The following IRF3 variants were observed in gnomAD, a reference collection of about 807,000 sequenced individuals.
IRF3 encodes interferon regulatory factor 3.
In IRF3, 29 loss-of-function variants were observed where a neutral mutation model predicts 43.2. That is an observed-to-expected ratio of 0.67 (90% CI 0.50 to 0.91). IRF3 has a LOEUF of 0.91. IRF3 is among the 40% of genes least tolerant of loss of function. IRF3 has a pLI of 0.00. For synonymous variants in IRF3, 228 were observed against 233.9 expected, an observed-to-expected ratio of 0.97 and a Z score of 0.23; for missense variants, 505 against 559.1, an observed-to-expected ratio of 0.90 and a Z score of 0.98.
At chr19:49,665,590 C>T in intron 1 of IRF3, 41 bp downstream of exon 1, 1 of 541,684 alleles carries the variant, frequency 1.8e-6, no homozygotes, top group Non-Finnish European at 3.3e-6. Flanking sequence ...GCTCCTCGCT[C>T]TCGGACGCCA....
chr19:49,662,082 G>A lies in IRF3; in HGVS notation c.848C>T (p.Ala283Val). 2 of 1,613,754 alleles carry A rather than the reference G, an allele frequency of 1.2e-6. No homozygotes were observed. The highest frequency in any genetic ancestry group is 2.2e-5 in the South Asian group (2 of 91,078). Residue 283 changes from alanine to valine, a missense_variant, in exon 6 of 8, where the codon GCC becomes GTC. Physicochemically the swap from Ala to Val is moderately conservative, Grantham distance 64. Coordinates refer to ENST00000377139, the MANE Select transcript of IRF3 (RefSeq NM_001571.6). ...TGTGTGGCAGTGCCCCAGCCGCTGG[G>A]CCCAGAGCCACTGCCCGGCCCGCCA... ...ALWRAGQWLW[A>V]QRLGHCHTYW...
At chr19:49,663,166 T>G (rs1356833863) in intron 4 of IRF3, 22 bp downstream of exon 4, 1 of 1,604,988 alleles carries the variant, frequency 6.2e-7, no homozygotes, top group Non-Finnish European at 8.5e-7. Flanking sequence ...CTGAGGGGCA[T>G]GAAAGTTGGG....
intron 6 of IRF3, 160 bp from the exon 7 acceptor site, chr19:49,660,988 C>G: frequency 1.3e-6 from 1 of 757,984 alleles, no homozygotes; most frequent in Non-Finnish European, 2.1e-6. Context: ...CCTTCCCTCC[C>G]TCCCTCCCTC....
intron 6 of IRF3, chr19:49,661,037 C>G (rs958713537): frequency 1.7e-6 from 1 of 576,662 alleles, no homozygotes; most frequent in African/African-American, 1.9e-5. Flanking sequence ...CACCCCCAAG[C>G]CCCCAAGCCT....
intron 7 of IRF3, among the ~76,000 whole-genome samples, 194 bp from the exon 8 acceptor site, chr19:49,660,027 A>ACACACACACACACACACACACACACC (rs57168131): frequency 4.0e-5 from 3 of 74,716 alleles, no homozygotes; most frequent in African/African-American, 3.0e-4. Context: ...ACACACACAC[A>ACACACACACACACACACACACACACC]CCCCCTGCTG....
chr19:49,664,024 T>C (rs566072864), intron 2 of IRF3, among the ~76,000 whole-genome samples: 2 of 152,120 alleles, frequency 1.3e-5, no homozygotes, highest in South Asian at 4.1e-4. Context: ...ACCTCTTTGG[T>C]TTTTGTTTTG....
chr19:49,664,452 CG>C, intron 2 of IRF3: 1 of 1,516,628 alleles, frequency 6.6e-7, no homozygotes, highest in Non-Finnish European at 8.8e-7. Flanking sequence ...CCGGCTTTCC[CG>C]GTTTTATTCC....
chr19:49,660,014 CA>C (rs2081225474), intron 7 of IRF3, among the ~76,000 whole-genome samples, 181 bp from the exon 8 acceptor site: 3 of 123,348 alleles, frequency 2.4e-5, no homozygotes, highest in African/African-American at 8.2e-5. Context: ...CACACACACA[CA>C]CACACACACA....
chr19:49,660,483 C>G (rs1370093285), intron 7 of IRF3, among the ~76,000 whole-genome samples: 2 of 152,180 alleles, frequency 1.3e-5, no homozygotes, highest in African/African-American at 4.8e-5. Context: ...TTCCATGAGA[C>G]TGGTCCCTGG....
chr19:49,664,312 C>G, intron 2 of IRF3: 1 of 588,402 alleles, frequency 1.7e-6, no homozygotes, highest in South Asian at 1.5e-5. Flanking sequence ...TAGTTAGGAA[C>G]CTCAGATTTG....
At chr19:49,663,135 C>G in intron 4 of IRF3, 53 bp downstream of exon 4, 7 of 1,471,014 alleles carry the variant, frequency 4.8e-6, no homozygotes, top group Non-Finnish European at 6.7e-6. Flanking sequence ...GAGGACAAGG[C>G]CCATGGAGAC....
In IRF3 at chr19:49,665,727, C is replaced by T. The variant is rs2081699882; in HGVS notation, c.-105G>A. The T allele has an allele frequency of 2.0e-6, 3 of 1,468,170 alleles. No individual in the cohort carries two copies. Among genetic ancestry groups the T allele is most frequent in the Non-Finnish European group, 2.7e-6 (3 of 1,097,620 alleles). 90.9% of individuals were successfully genotyped at this position (1,468,170 alleles called of 1,614,324 possible). On this transcript the variant is annotated 5_prime_UTR_variant, in exon 1 of 8. Coordinates refer to ENST00000377139, the MANE Select transcript of IRF3 (RefSeq NM_001571.6). The stretch of plus-strand genomic sequence containing the variant: ...ACTCGAGGCTGCGCACCCCCTTTCC[C>T]GTCAGCTGAGCTCTAGAGCGCTGGG...
At position 49,662,410 on chromosome 19, in the gene IRF3, G is replaced by A. The variant is rs1249880532; in HGVS notation, c.601+15C>T. ...GCCCAGACCTCAGCCCTCCCAGCCT[G>A]CAGCTGACACTCACCTTCCCCCGGC... On this transcript the variant is annotated intron_variant, in intron 5 of 7. Transcript: ENST00000377139. 1.3e-6 allele frequency: 2 copies of A among 1,593,058 alleles called. No homozygotes were observed. The highest frequency in any genetic ancestry group is 1.7e-6 in the Non-Finnish European group (2 of 1,169,178).
At position 49,663,089 on chromosome 19, in the gene IRF3, C is replaced by A. The variant is rs2081416795; in HGVS notation, c.408+99G>T. On this transcript the variant is annotated intron_variant, in intron 4 of 7. Transcript: ENST00000377139. ...AGCACTGGCTCAGGTGAGGGGCAGG[C>A]TGGAGGCAGGGGAGTGGGGGGATCG... is the stretch of plus-strand genomic sequence containing the variant. The A allele has an allele frequency of 7.4e-6, 8 of 1,077,048 alleles. No individual in the cohort carries two copies. The South Asian group carries it at 1.0e-4, about 14-fold the overall frequency. 66.7% of individuals were successfully genotyped at this position (1,077,048 alleles called of 1,614,324 possible).
chr19:49,664,998 T>C, intron 1 of IRF3, 152 bp from the exon 2 acceptor site: 1 of 730,960 alleles, frequency 1.4e-6, no homozygotes, highest in Non-Finnish European at 2.2e-6. Flanking sequence ...CCTCTTCCCA[T>C]CCTCCCATCC....
chr19:49,661,906 G>T (rs930962329), intron 6 of IRF3, 42 bp downstream of exon 6: 4 of 1,557,492 alleles, frequency 2.6e-6, no homozygotes, highest in Non-Finnish European at 2.6e-6. Flanking sequence ...CACTGTGCAG[G>T]CTGCTTTGTA....
At position 49,659,688 on chromosome 19, in the gene IRF3, A is replaced by G. The variant is rs753813852; in HGVS notation, c.1244T>C (p.Leu415Ser). The G allele has an allele frequency of 6.2e-7, 1 of 1,613,854 alleles. No individual in the cohort carries two copies. Among genetic ancestry groups the G allele is most frequent in the Non-Finnish European group, 8.5e-7 (1 of 1,179,852 alleles). ...SDQYKAYLQD[L>S]VEGMDFQGPG... Reference sequence around the variant, plus strand: ...GCCCTGGAAATCCATGCCCTCCACCAAGTCCTGCAGGTAGGCCTTGTACTG... The same window carrying G: ...GCCCTGGAAATCCATGCCCTCCACCGAGTCCTGCAGGTAGGCCTTGTACTG... The change falls in exon 8 of 8, where the codon TTG becomes TCG. Residue 415 changes from leucine to serine, a missense_variant. Leu to Ser is a moderately radical substitution (Grantham distance 145, BLOSUM62 -2). Coordinates refer to ENST00000377139, the MANE Select transcript of IRF3 (RefSeq NM_001571.6).
chr19:49,661,642 C>T (rs192939320), intron 6 of IRF3: 71 of 269,618 alleles, frequency 2.6e-4, no homozygotes, highest in Middle Eastern at 1.1e-3. Flanking sequence ...TGCAGTGGTG[C>T]GATCTCAGCT....
intron 4 of IRF3, among the ~76,000 whole-genome samples, chr19:49,662,823 G>A (rs1198547508): frequency 1.3e-5 from 2 of 152,200 alleles, no homozygotes; most frequent in Non-Finnish European, 2.9e-5. Context: ...CCAACCCAAG[G>A]ATCTGGCTCT....
Sources: allele counts gnomAD v4.1 joint callset (sites outside exome capture counted in the v4.1 genomes callset), GRCh38; gene constraint gnomAD v4.1.1; transcripts MANE v1.5; gene names NCBI Gene and HGNC (gene_info 2026-07-23, HGNC 2026-07-21).